PCNX1: variants seen among roughly 807,000 people sequenced by gnomAD.
PCNX1 encodes pecanex-like protein 1.
A neutral mutation model predicts 242.2 loss-of-function variants in PCNX1; 78 were observed. The observed-to-expected ratio is 0.32, with a 90% CI of 0.27 to 0.39. PCNX1 has a LOEUF of 0.39. Among genes scored for constraint, PCNX1 ranks in the 10% least tolerant of loss-of-function variants. The pLI is 1.00. For synonymous variants in PCNX1, 1,024 were observed against 1,032.9 expected (o/e 0.99, Z 0.17); for missense variants, 2,581 against 2,856.5 (o/e 0.90, Z 2.20).
rs1319079860 is a variant in PCNX1, at chr14:71,113,538, A to C, written c.*3603A>C. 1 of 152,618 alleles carries C rather than the reference A, an allele frequency of 6.6e-6. No individual in the cohort carries two copies. The highest frequency in any genetic ancestry group is 1.9e-4 in the East Asian group (1 of 5,202). 9.5% of individuals were successfully genotyped at this position (152,618 alleles called of 1,614,324 possible). On this transcript the variant is annotated 3_prime_UTR_variant, in exon 36 of 36. Coordinates refer to ENST00000304743, the MANE Select transcript of PCNX1 (RefSeq NM_014982.3). ...CTTGATAAATTCCTCTGTGCTTCTGAGCAGCATCCTTCTGCCTCTGCTTAG... is the reference window on the plus strand; with the variant it reads ...CTTGATAAATTCCTCTGTGCTTCTGCGCAGCATCCTTCTGCCTCTGCTTAG...
At chr14:71,017,530 G>A (rs1364918103) in intron 11 of PCNX1, among the ~76,000 whole-genome samples, 1 of 151,928 alleles carries the variant, frequency 6.6e-6, no homozygotes, top group African/African-American at 2.4e-5. Context: ...AATGTGAAAC[G>A]TAAAACAAAA....
At chr14:71,031,801 C>A in intron 16 of PCNX1, 1 of 1,481,448 alleles carries the variant, frequency 6.8e-7, no homozygotes, top group Non-Finnish European at 9.4e-7. Context: ...GGAGCCCATG[C>A]ATAGCTTGGC....
At chr14:71,068,246 G>T (rs61990418) in intron 26 of PCNX1, among the ~76,000 whole-genome samples, 1 of 151,822 alleles carries the variant, frequency 6.6e-6, no homozygotes, top group African/African-American at 2.4e-5. Context: ...CAGGAGAATC[G>T]CTTGAACCCA....
Position 71,057,707 on chromosome 14 carries a change from G to A in PCNX1, c.4835G>A (p.Arg1612Gln), listed in dbSNP as rs1279799506. 2 of 1,612,146 alleles carry A rather than the reference G, an allele frequency of 1.2e-6. No individual in the cohort carries two copies. Among genetic ancestry groups the A allele is most frequent in the African/African-American group, 1.3e-5 (1 of 74,856 alleles). Residue 1612 changes from arginine (R) to glutamine (Q), a missense_variant, in exon 26 of 36, where the codon CGG becomes CAG. Physicochemically the swap from Arg to Gln is conservative, Grantham distance 43 (BLOSUM62 1). Around this residue, in one of 9 missense-constraint regions of PCNX1, gnomAD observed 298 missense variants for 480.1 expected, o/e 0.62. Transcript: ENST00000304743. ...IGNGLVTFQL[R>Q]GLEFRGTYCQ... ...AATGGTCTGGTCACTTTTCAGCTGC[G>A]GGGACTTGAATTCAGAGGTAAGACA...
chr14:71,013,774 A>G (rs763834847), intron 11 of PCNX1, among the ~76,000 whole-genome samples: 8 of 152,198 alleles, frequency 5.3e-5, no homozygotes, highest in Non-Finnish European at 1.0e-4. Flanking sequence ...GAGCCCTCCA[A>G]TTGCCCCAGC....
At chr14:70,941,894 G>A (rs979408931) in intron 1 of PCNX1, among the ~76,000 whole-genome samples, 1 of 152,226 alleles carries the variant, frequency 6.6e-6, no homozygotes, top group Non-Finnish European at 1.5e-5. Flanking sequence ...TGTGCTAGGA[G>A]TGAGCGAGGC....
intron 8 of PCNX1, among the ~76,000 whole-genome samples, chr14:70,998,054 A>G (rs1044135597): frequency 5.3e-5 from 8 of 152,236 alleles, no homozygotes; most frequent in Non-Finnish European, 1.2e-4. Context: ...TTGTTTATAT[A>G]AAGCATACAT....
chr14:71,046,923 C>CA, intron 20 of PCNX1, 41 bp from the exon 21 acceptor site: 1 of 1,520,288 alleles, frequency 6.6e-7, no homozygotes, highest in Non-Finnish European at 8.9e-7. Flanking sequence ...ACAAACTATA[C>CA]ATTTGATGAC....
chr14:71,023,080 T>C lies in PCNX1; in HGVS notation c.3151-120T>C, dbSNP rs1336707709. The C allele has an allele frequency of 5.4e-6, 4 of 747,040 alleles. No homozygotes were observed. In the Admixed American group the frequency reaches 7.7e-5, roughly 14 times the overall value. 46.3% of individuals were successfully genotyped at this position (747,040 alleles called of 1,614,324 possible). A position where few individuals can be genotyped will look rare whatever the true frequency, so the allele number is the denominator to read the frequency against. Reference sequence around the variant, plus strand: ...CATCTCTGGAACAGAATTATTAATATAGGTCATTTTGTGGTTGTGGAATAT... The same window carrying C: ...CATCTCTGGAACAGAATTATTAATACAGGTCATTTTGTGGTTGTGGAATAT... On this transcript the variant is annotated intron_variant, in intron 12 of 35. Transcript: ENST00000304743.
chr14:70,919,707 G>GGGGGGGGC, intron 1 of PCNX1, among the ~76,000 whole-genome samples: 1 of 8,190 alleles, frequency 1.2e-4, no homozygotes, highest in Admixed American at 2.0e-3. Context: ...TGGTTTCTCT[G>GGGGGGGGC]CTCCCCCCCC....
At chr14:71,067,845 G>T (rs910348699) in intron 26 of PCNX1, among the ~76,000 whole-genome samples, 5 of 151,438 alleles carry the variant, frequency 3.3e-5, no homozygotes, top group African/African-American at 1.2e-4. Flanking sequence ...ATATATTTCT[G>T]CCTTCATTTC....
rs2060997931 is a variant in PCNX1, at chr14:71,050,546, A to G, written c.4339-106A>G. 5.1e-6 allele frequency: 5 copies of G among 982,832 alleles called. No individual in the cohort carries two copies. The East Asian group carries it at 8.1e-5, about 16-fold the overall frequency. The allele number at this position is 982,832 out of a possible 1,614,324, so 60.9% of individuals were successfully genotyped here. A position where few individuals can be genotyped will look rare whatever the true frequency, so the allele number is the denominator to read the frequency against. Reference sequence around the variant, plus strand: ...CAAATAATTTCAATGCCATTTCCCTATTAGGAGAACTTCTCCTAATACATT... The same window carrying G: ...CAAATAATTTCAATGCCATTTCCCTGTTAGGAGAACTTCTCCTAATACATT... On this transcript the variant is annotated intron_variant, in intron 22 of 35. Transcript: ENST00000304743.
chr14:71,003,038 C>T (rs149014460), intron 8 of PCNX1, among the ~76,000 whole-genome samples: 47 of 147,760 alleles, frequency 3.2e-4, no homozygotes, highest in Non-Finnish European at 4.7e-4. Context: ...GAAGTGTGTC[C>T]AGAAATTTAC....
intron 1 of PCNX1, among the ~76,000 whole-genome samples, chr14:70,945,192 A>T (rs1594978380): frequency 1.3e-5 from 2 of 152,308 alleles, no homozygotes; most frequent in Admixed American, 1.3e-4. Context: ...AATAGTGAAC[A>T]AAAAGACACC....
intron 14 of PCNX1, 95 bp downstream of exon 14, chr14:71,026,383 T>A: frequency 8.1e-6 from 6 of 738,928 alleles, no homozygotes; most frequent in Non-Finnish European, 1.2e-5. Context: ...CTTTAGTTTT[T>A]AATAAGCTTA....
In PCNX1 at chr14:70,907,771, C is replaced by G; in HGVS notation, c.-80C>G. The G allele has an allele frequency of 8.4e-7, 1 of 1,191,946 alleles. No individual in the cohort carries two copies. Among genetic ancestry groups the G allele is most frequent in the Non-Finnish European group, 1.0e-6 (1 of 963,264 alleles). The allele number at this position is 1,191,946 out of a possible 1,614,324, so 73.8% of individuals were successfully genotyped here. On this transcript the variant is annotated 5_prime_UTR_variant, in exon 1 of 36. Transcript: ENST00000304743. ...GGTGGATAGACGGGGCAGCTGCAGG[C>G]TCCGGCGACCGAGGCCGAGCTGGGG... is the stretch of plus-strand genomic sequence containing the variant.
At chr14:70,915,041 A>G (rs1328384773) in intron 1 of PCNX1, among the ~76,000 whole-genome samples, 1 of 152,146 alleles carries the variant, frequency 6.6e-6, no homozygotes, top group Non-Finnish European at 1.5e-5. Context: ...TGCTTTGTGT[A>G]AGCCACCTTC....
intron 8 of PCNX1, among the ~76,000 whole-genome samples, chr14:70,998,254 C>T (rs768221922): frequency 1.6e-4 from 24 of 152,002 alleles, no homozygotes; most frequent in Non-Finnish European, 3.1e-4. Context: ...TACTAAACCC[C>T]GAGAATCCTT....
At chr14:71,028,258 AAATT>A (rs1366642190) in intron 15 of PCNX1, among the ~76,000 whole-genome samples, 1 of 151,876 alleles carries the variant, frequency 6.6e-6, no homozygotes. Flanking sequence ...TTTTTTCTGA[AAATT>A]AACACATGGG....
Sources: gnomAD v4.1 joint callset for allele counts (sites outside exome capture counted in the v4.1 genomes callset) on GRCh38, gnomAD v4.1.1 for gene constraint, gnomAD v4.1.1 regional missense constraint, MANE v1.5 for transcripts, NCBI Gene and HGNC (gene_info 2026-07-23, HGNC 2026-07-21) for gene names.